EXD1: variants seen among roughly 807,000 people sequenced by gnomAD.
EXD1 encodes the protein piRNA biogenesis protein EXD1.
EXD1 carries 63 observed loss-of-function variants against 49.1 expected under a neutral mutation model. The ratio of observed to expected loss-of-function variants is 1.28; its 90% CI spans 1.05 to 1.58. EXD1 has a LOEUF of 1.58. Ranked by LOEUF, EXD1 falls within the 40% of genes most tolerant of loss-of-function variation. The pLI is 0.00. For synonymous variants in EXD1, 234 were observed against 239.2 expected (o/e 0.98, Z 0.20); for missense variants, 748 against 666.0 (o/e 1.12, Z -1.36).
At chr15:41,195,443 A>G (rs1239715224) in intron 9 of EXD1, among the ~76,000 whole-genome samples, 1 of 152,102 alleles carries the variant, frequency 6.6e-6, no homozygotes, top group Non-Finnish European at 1.5e-5. Flanking sequence ...ATCTCATGCT[A>G]TGTCTCCCAT....
intron 7 of EXD1, among the ~76,000 whole-genome samples, chr15:41,199,722 T>TC (rs1555414678): frequency 1.1e-5 from 1 of 94,636 alleles, no homozygotes; most frequent in African/African-American, 4.8e-5. Context: ...ATATGATATA[T>TC]TATATATGAT....
chr15:41,216,765 T>G lies in EXD1; in HGVS notation c.291A>C (p.Lys97Asn), dbSNP rs757382690. 1.0e-4 allele frequency: 161 copies of G among 1,613,842 alleles called. 1 individual carries two copies. The highest frequency in any genetic ancestry group is 7.9e-4 in the South Asian group (72 of 91,062). Residue 97 changes from lysine (K) to asparagine (N), a missense_variant, in exon 5 of 12, where the codon AAA (lysine) becomes AAC (asparagine). Transcript: ENST00000458580. Reference protein sequence around the residue: ...SLHAERTWMEKMKVEDLNVCE... With the variant: ...SLHAERTWMENMKVEDLNVCE... ...ATACATTTAGGTCTTCAACTTTCAT[T>G]TTCTCCATCCAGGTTCTTTCTGCAT...
intron 1 of EXD1, 62 bp from the exon 2 acceptor site, chr15:41,226,690 C>T (rs916055610): frequency 7.6e-7 from 1 of 1,314,634 alleles, no homozygotes; most frequent in South Asian, 1.6e-5. Flanking sequence ...AAGTTATTTT[C>T]CCTTTCCCCA....
chr15:41,216,435 T>C (rs111678155), intron 5 of EXD1, among the ~76,000 whole-genome samples: 24,467 of 151,796 alleles, frequency 0.16, 3,637 homozygotes, highest in African/African-American at 0.39. Flanking sequence ...AGTTCGAGAC[T>C]AGCCTGATCA....
At chr15:41,222,155 C>T (rs567354766) in intron 2 of EXD1, among the ~76,000 whole-genome samples, 1 of 152,202 alleles carries the variant, frequency 6.6e-6, no homozygotes, top group East Asian at 1.9e-4. Flanking sequence ...TGGCTCATGC[C>T]TGTAATCCCA....
intron 7 of EXD1, among the ~76,000 whole-genome samples, chr15:41,207,219 C>T (rs751138966): frequency 2.6e-5 from 4 of 150,956 alleles, no homozygotes; most frequent in East Asian, 2.0e-4. Flanking sequence ...CTAGCCTGGG[C>T]GACAGAGTGA....
At chr15:41,185,357 A>T (rs2947487) in intron 11 of EXD1, among the ~76,000 whole-genome samples, 147,764 of 152,244 alleles carry the variant, frequency 0.97, 71,837 homozygotes, top group East Asian at 1. Context: ...TTTTGTTTTG[A>T]TTTTTTTAGA....
chr15:41,191,377 T>G, intron 10 of EXD1, 65 bp downstream of exon 10: 1 of 1,456,442 alleles, frequency 6.9e-7, no homozygotes, highest in Non-Finnish European at 9.5e-7. Context: ...CATAACAGGC[T>G]GATAATACTG....
Position 41,209,502 on chromosome 15 carries a change from T to C in EXD1, c.533A>G (p.Gln178Arg). The C allele has an allele frequency of 6.2e-7, 1 of 1,613,160 alleles. No homozygotes were observed. Reference protein sequence around the residue: ...VCRHGKLCWLQVATNCRVYLF... With the variant: ...VCRHGKLCWLRVATNCRVYLF... The stretch of plus-strand genomic sequence containing the variant: ...AAAAAGTTTTCAAAAATCTTTCACC[T>C]GCAGCCAGCACAGTTTGCCATGGCG... The change falls in exon 7 of 12, where the codon CAG becomes CGG. Residue 178 changes from glutamine (Q) to arginine (R), a missense_variant and splice_region_variant. Transcript: ENST00000458580.
In EXD1 at chr15:41,230,379, G is replaced by C; in HGVS notation, c.-54+100C>G. On this transcript the variant is annotated intron_variant, in intron 1 of 11. Coordinates refer to ENST00000458580, the MANE Select transcript of EXD1 (RefSeq NM_001286441.2). ...ATTACAGGCGTGAGCCACCGTGCCA[G>C]GCCTACCTTTTTAATCAAAACAAAC... The C allele has an allele frequency of 7.6e-6, 10 of 1,313,670 alleles. 1 individual carries two copies. The South Asian group carries it at 1.2e-4, about 16-fold the overall frequency. 81.4% of individuals were successfully genotyped at this position (1,313,670 alleles called of 1,614,324 possible). A position where few individuals can be genotyped will look rare whatever the true frequency, so the allele number is the denominator to read the frequency against.
chr15:41,200,826 T>C (rs1457580936), intron 7 of EXD1, among the ~76,000 whole-genome samples: 2 of 152,060 alleles, frequency 1.3e-5, no homozygotes, highest in African/African-American at 4.8e-5. Context: ...AGAATTGTTT[T>C]GCTTCATGTG....
chr15:41,188,553 C>A (rs562815923), intron 11 of EXD1, among the ~76,000 whole-genome samples: 15 of 151,568 alleles, frequency 9.9e-5, no homozygotes, highest in Non-Finnish European at 2.1e-4. Context: ...CCACCATGCC[C>A]AGCTAATTTC....
intron 7 of EXD1, among the ~76,000 whole-genome samples, chr15:41,196,594 G>A (rs1031575673): frequency 1.3e-5 from 2 of 151,412 alleles, no homozygotes; most frequent in Non-Finnish European, 2.9e-5. Context: ...GGGATTACAT[G>A]TGTGAGCGTC....
At chr15:41,202,214 G>A (rs561108457) in intron 7 of EXD1, among the ~76,000 whole-genome samples, 9 of 149,730 alleles carry the variant, frequency 6.0e-5, no homozygotes, top group African/African-American at 1.5e-4. Context: ...TCACTCTGTC[G>A]CCCAGGCTGG....
At chr15:41,228,675 A>G (rs1016406655) in intron 1 of EXD1, among the ~76,000 whole-genome samples, 8 of 152,182 alleles carry the variant, frequency 5.3e-5, no homozygotes, top group African/African-American at 1.9e-4. Context: ...GGAAAAAGAA[A>G]ACAGCCCTTA....
intron 7 of EXD1, among the ~76,000 whole-genome samples, chr15:41,197,652 C>A (rs2140841120): frequency 6.8e-6 from 1 of 147,154 alleles, no homozygotes; most frequent in Non-Finnish European, 1.5e-5. Context: ...GAGACTTTCC[C>A]TTTTTTTTTT....
chr15:41,183,608 T>G lies in EXD1; in HGVS notation c.*323A>C. The stretch of plus-strand genomic sequence containing the variant: ...CAAGAAGCAAAACAAAATTTGAAAA[T>G]GATGGAGTCTTCCTGATACTAAGCC... On this transcript the variant is annotated 3_prime_UTR_variant, in exon 12 of 12. Transcript: ENST00000458580. The G allele has an allele frequency of 4.9e-6, 1 of 206,156 alleles. No homozygotes were observed. 12.8% of individuals were successfully genotyped at this position (206,156 alleles called of 1,614,324 possible).
At position 41,183,804 on chromosome 15, in the gene EXD1, G is replaced by T; in HGVS notation, c.*127C>A. ...CCAGGAACACAGGAGTAAGCAAGAGGATATAATTTTCCCCTGTGACTGAAG... is the reference window on the plus strand; with the variant it reads ...CCAGGAACACAGGAGTAAGCAAGAGTATATAATTTTCCCCTGTGACTGAAG... On this transcript the variant is annotated 3_prime_UTR_variant, in exon 12 of 12. Coordinates refer to ENST00000458580, the MANE Select transcript of EXD1 (RefSeq NM_001286441.2). The T allele has an allele frequency of 1.2e-6, 1 of 822,786 alleles. No homozygotes were observed. Among genetic ancestry groups the T allele is most frequent in the Non-Finnish European group, 1.9e-6 (1 of 532,344 alleles). 51.0% of individuals were successfully genotyped at this position (822,786 alleles called of 1,614,324 possible). A position where few individuals can be genotyped will look rare whatever the true frequency, so the allele number is the denominator to read the frequency against.
chr15:41,224,130 G>C (rs936030243), intron 2 of EXD1, among the ~76,000 whole-genome samples: 1 of 152,078 alleles, frequency 6.6e-6, no homozygotes, highest in African/African-American at 2.4e-5. Context: ...GTAGAGACAG[G>C]GTTTACCATG....
Sources: gnomAD v4.1 joint callset for allele counts (sites outside exome capture counted in the v4.1 genomes callset) on GRCh38, gnomAD v4.1.1 for gene constraint, MANE v1.5 for transcripts, NCBI Gene and HGNC (gene_info 2026-07-23, HGNC 2026-07-21) for gene names.